Variants in TANC2 observed in about 807,000 individuals in gnomAD.
TANC2 encodes the protein tetratricopeptide repeat, ankyrin repeat and coiled-coil containing 2, also known as protein TANC2.
In TANC2, 26 loss-of-function variants were observed where a neutral mutation model predicts 210.5. That is an observed-to-expected ratio of 0.12 (90% confidence interval 0.09 to 0.17). TANC2 has a LOEUF of 0.17. Among genes scored for constraint, TANC2 ranks in the 10% least tolerant of loss-of-function variants. The pLI, the probability that TANC2 is intolerant of heterozygous loss-of-function variation, is 1.00. For synonymous variants in TANC2, 931 were observed against 967.1 expected (o/e 0.96, Z 0.69); for missense variants, 2,129 against 2,608.9 (o/e 0.82, Z 4.01).
chr17:63,274,230 T>C (rs1188499302), intron 9 of TANC2, among the ~76,000 whole-genome samples: 1 of 151,866 alleles, frequency 6.6e-6, no homozygotes, highest in Non-Finnish European at 1.5e-5. Flanking sequence ...TTTTTCACTC[T>C]TCAAGACAGC....
chr17:63,310,404 G>A (rs140939445), intron 9 of TANC2, among the ~76,000 whole-genome samples: 143 of 152,128 alleles, frequency 9.4e-4, no homozygotes, highest in South Asian at 8.1e-3. Context: ...CCAAGATTGC[G>A]CCACTGCACT....
intron 8 of TANC2, 88 bp from the exon 9 acceptor site, chr17:63,267,660 C>A: frequency 7.1e-7 from 1 of 1,414,858 alleles, no homozygotes; most frequent in Non-Finnish European, 9.5e-7. Flanking sequence ...CTGGAGTAAG[C>A]CCTGATTCCA....
At chr17:62,991,581 A>G (rs1251836316) in intron 1 of TANC2, among the ~76,000 whole-genome samples, 2 of 151,480 alleles carry the variant, frequency 1.3e-5, no homozygotes, top group African/African-American at 2.4e-5. Flanking sequence ...CGGAGCTTGC[A>G]GTGAGCCAAG....
At chr17:63,312,851 A>G (rs2045175892) in intron 9 of TANC2, among the ~76,000 whole-genome samples, 1 of 152,192 alleles carries the variant, frequency 6.6e-6, no homozygotes. Flanking sequence ...ACTTTAGTTA[A>G]TGAAAACTTT....
intron 21 of TANC2, among the ~76,000 whole-genome samples, chr17:63,408,495 C>T (rs967198923): frequency 6.6e-6 from 1 of 152,236 alleles, no homozygotes; most frequent in Non-Finnish European, 1.5e-5. Context: ...TTATCCTACT[C>T]TTTCCTCCAC....
intron 7 of TANC2, among the ~76,000 whole-genome samples, chr17:63,222,824 A>ATAC (rs1263579783): frequency 5.3e-5 from 8 of 152,170 alleles, no homozygotes; most frequent in Admixed American, 1.3e-4. Context: ...AGTCAAACAG[A>ATAC]TACTACATGA....
At chr17:63,183,102 C>T (rs946723184) in intron 5 of TANC2, among the ~76,000 whole-genome samples, 2 of 152,128 alleles carry the variant, frequency 1.3e-5, no homozygotes, top group Admixed American at 1.3e-4. Context: ...TAGTAAATCT[C>T]TGTATGCACT....
At chr17:63,134,513 T>C (rs1405927399) in intron 4 of TANC2, among the ~76,000 whole-genome samples, 3 of 152,228 alleles carry the variant, frequency 2.0e-5, no homozygotes, top group South Asian at 2.1e-4. Context: ...CCAAGATCCA[T>C]ATTTTAGTTT....
Position 63,285,341 on chromosome 17 carries a change from A to G in TANC2, c.1159+17468A>G, listed in dbSNP as rs144692531. Among the ~76,000 whole-genome samples, 623 of 151,708 alleles carry G rather than the reference A, an allele frequency of 4.1e-3. 7 individuals carry two copies. Among genetic ancestry groups the G allele is most frequent in the African/African-American group, 0.014 (583 of 41,346 alleles). On this transcript the variant is annotated intron_variant, in intron 9 of 27. Coordinates refer to ENST00000689528, the Ensembl canonical transcript of TANC2. ...GCTATCACATTTTGATTATTTGTATATTTTTATCTCCTTAGTTAATTAGCT... is the reference window on the plus strand; with the variant it reads ...GCTATCACATTTTGATTATTTGTATGTTTTTATCTCCTTAGTTAATTAGCT...
intron 25 of TANC2, among the ~76,000 whole-genome samples, 192 bp from the exon 26 acceptor site, chr17:63,415,336 C>G (rs1350278764): frequency 6.6e-6 from 1 of 152,226 alleles, no homozygotes. Flanking sequence ...CCTTTCCTGC[C>G]AGGTGAGTTT....
intron 4 of TANC2, among the ~76,000 whole-genome samples, chr17:63,107,683 C>T (rs934250467): frequency 1.3e-5 from 2 of 151,616 alleles, no homozygotes; most frequent in Admixed American, 6.6e-5. Context: ...ACCTTGAAAA[C>T]GTTACACTAA....
At chr17:63,291,659 G>A (rs751792310) in intron 9 of TANC2, among the ~76,000 whole-genome samples, 2 of 152,148 alleles carry the variant, frequency 1.3e-5, no homozygotes, top group Non-Finnish European at 2.9e-5. Flanking sequence ...AAAACATCTT[G>A]AGAACCTAAA....
At chr17:63,184,739 C>A (rs1406847920) in intron 5 of TANC2, among the ~76,000 whole-genome samples, 1 of 151,658 alleles carries the variant, frequency 6.6e-6, no homozygotes, top group African/African-American at 2.4e-5. Flanking sequence ...CTGCAACCTC[C>A]GCCTCCCAGG....
At chr17:63,001,426 G>T (rs1238415865) in intron 1 of TANC2, among the ~76,000 whole-genome samples, 1 of 151,750 alleles carries the variant, frequency 6.6e-6, no homozygotes, top group Non-Finnish European at 1.5e-5. Context: ...TCTTTGCTCA[G>T]TTTATTTACT....
intron 1 of TANC2, among the ~76,000 whole-genome samples, chr17:63,006,371 CCTTTA>C (rs1441981723): frequency 1.3e-5 from 2 of 151,900 alleles, no homozygotes; most frequent in East Asian, 1.9e-4. Context: ...TGATTTTCAT[CCTTTA>C]CTTCTAATAC....
At chr17:63,366,210 T>C (rs1451906596) in intron 14 of TANC2, among the ~76,000 whole-genome samples, 1 of 152,168 alleles carries the variant, frequency 6.6e-6, no homozygotes, top group African/African-American at 2.4e-5. Context: ...GCCTCGGGAG[T>C]TAAGTGAAGA....
intron 2 of TANC2, among the ~76,000 whole-genome samples, chr17:63,025,812 A>T (rs9894552): frequency 0.88 from 128,395 of 146,310 alleles, 55,952 homozygotes; most frequent in East Asian, 0.97. Context: ...AAAATAAAAT[A>T]AAATTAAATT....
intron 3 of TANC2, among the ~76,000 whole-genome samples, chr17:63,095,868 T>TAA (rs1264459321): frequency 6.6e-6 from 1 of 152,108 alleles, no homozygotes; most frequent in African/African-American, 2.4e-5. Flanking sequence ...TGGAAGAAAA[T>TAA]AGTTTTAAGC....
At chr17:63,285,156 A>T (rs1020817333) in intron 9 of TANC2, among the ~76,000 whole-genome samples, 1 of 152,034 alleles carries the variant, frequency 6.6e-6, no homozygotes, top group Non-Finnish European at 1.5e-5. Flanking sequence ...CATCATAGTG[A>T]TGGGTCTTGC....
Sources: gnomAD v4.1 joint callset for allele counts (sites outside exome capture counted in the v4.1 genomes callset) on GRCh38, gnomAD v4.1.1 for gene constraint, MANE v1.5 for transcripts, NCBI Gene and HGNC (gene_info 2026-07-23, HGNC 2026-07-21) for gene names.